SENP5: variants seen among roughly 807,000 people sequenced by gnomAD.
The protein encoded by SENP5 is sentrin-specific protease 5.
A neutral mutation model predicts 74.2 loss-of-function variants in SENP5; 21 were observed. The observed-to-expected ratio is 0.28, with a 90% CI of 0.20 to 0.41. SENP5 has a LOEUF of 0.41. SENP5 is among the 10% of genes least tolerant of loss of function. The pLI is 1.00. For synonymous variants in SENP5, 311 were observed against 312.7 expected, an observed-to-expected ratio of 0.99 and a Z score of 0.06; for missense variants, 717 against 889.1, an observed-to-expected ratio of 0.81 and a Z score of 2.46.
chr3:196,910,335 CTTTTTTTTTTTTT>C (rs869108574), intron 6 of SENP5, among the ~76,000 whole-genome samples: 31 of 51,338 alleles, frequency 6.0e-4, no homozygotes, highest in East Asian at 3.6e-3. Context: ...CCAAAGTAAT[CTTTTTTTTTTTTT>C]TTTTTTTTTT....
intron 6 of SENP5, among the ~76,000 whole-genome samples, chr3:196,910,323 G>C (rs1300133731): frequency 7.1e-6 from 1 of 140,308 alleles, no homozygotes; most frequent in Non-Finnish European, 1.5e-5. Flanking sequence ...TGGCCATACT[G>C]CCCAAAGTAA....
chr3:196,910,503 T>G (rs1468594410), intron 6 of SENP5, among the ~76,000 whole-genome samples: 1 of 151,638 alleles, frequency 6.6e-6, no homozygotes, highest in Non-Finnish European at 1.5e-5. Context: ...TGCACCACCA[T>G]GCCCAGCTAA....
intron 2 of SENP5, among the ~76,000 whole-genome samples, chr3:196,894,071 A>T (rs1714329612): frequency 6.6e-6 from 1 of 151,328 alleles, no homozygotes; most frequent in Non-Finnish European, 1.5e-5. Context: ...TATAAAGTAA[A>T]TGTTTATAAA....
At chr3:196,900,182 G>T in intron 4 of SENP5, 120 bp downstream of exon 4, 1 of 1,328,776 alleles carries the variant, frequency 7.5e-7, no homozygotes. Context: ...TTCTTTACTG[G>T]TTACTTGCCC....
chr3:196,878,126 G>A (rs1713562567), intron 1 of SENP5, among the ~76,000 whole-genome samples: 1 of 152,112 alleles, frequency 6.6e-6, no homozygotes, highest in African/African-American at 2.4e-5. Flanking sequence ...CAACTAATTC[G>A]CCAACTTGAG....
rs748382954 is a variant in SENP5, at chr3:196,899,918, T to C, written c.1620-6T>C. On this transcript the variant is annotated splice_polypyrimidine_tract_variant and splice_region_variant and intron_variant, in intron 3 of 9. Coordinates refer to ENST00000323460, the MANE Select transcript of SENP5 (RefSeq NM_152699.5). Reference sequence around the variant, plus strand: ...TACCTTTTGTTTCAAAATCTTTCTCTTTCAGAAAACCATTTATCAATAGGG... The same window carrying C: ...TACCTTTTGTTTCAAAATCTTTCTCCTTCAGAAAACCATTTATCAATAGGG... 1.2e-6 allele frequency: 2 copies of C among 1,611,832 alleles called. No homozygotes were observed. Among genetic ancestry groups the C allele is most frequent in the African/African-American group, 2.7e-5 (2 of 74,782 alleles).
At chr3:196,910,024 C>T (rs1274055411) in intron 6 of SENP5, among the ~76,000 whole-genome samples, 1 of 152,142 alleles carries the variant, frequency 6.6e-6, no homozygotes, top group Non-Finnish European at 1.5e-5. Context: ...CCCAAAACCC[C>T]TTACGTTGAT....
In SENP5 at chr3:196,885,388, G is replaced by A. The variant is rs375648832; in HGVS notation, c.207G>A (p.Thr69=). The change falls in exon 2 of 10, where the codon ACG becomes ACA. Residue 69 remains threonine, a synonymous_variant. Coordinates refer to ENST00000323460, the MANE Select transcript of SENP5 (RefSeq NM_152699.5). ...GRKKALQIQK[T]WIKDEPLCAK... ...AGAAAGCTCTTCAAATCCAGAAAACGTGGATCAAGGATGAACCCCTTTGTG... is the reference window on the plus strand; with the variant it reads ...AGAAAGCTCTTCAAATCCAGAAAACATGGATCAAGGATGAACCCCTTTGTG... 4.3e-6 allele frequency: 7 copies of A among 1,613,992 alleles called. No individual in the cohort carries two copies. Among genetic ancestry groups the A allele is most frequent in the South Asian group, 3.3e-5 (3 of 91,086 alleles).
chr3:196,913,578 AAAC>A (rs1212303910), intron 6 of SENP5, among the ~76,000 whole-genome samples: 1 of 151,318 alleles, frequency 6.6e-6, no homozygotes, highest in East Asian at 1.9e-4. Flanking sequence ...CAAAAAAAAA[AAAC>A]AAAAAAAACT....
rs114157413 is a variant in SENP5 at position 196,902,966 on chromosome 3, G to A, written c.1807-567G>A. 9.1e-3 allele frequency among the ~76,000 whole-genome samples: 1,391 copies of A among 152,108 alleles called. 20 individuals are homozygous for A. Among genetic ancestry groups the A allele is most frequent in the African/African-American group, 0.032 (1,330 of 41,506 alleles). On this transcript the variant is annotated intron_variant, in intron 5 of 9. Transcript: ENST00000323460. The stretch of plus-strand genomic sequence containing the variant: ...ATAGCCTCTTTCAGCTTTTTCACCT[G>A]ATTTAGAGAGATTTGTCAGGTTGCT...
rs1716037117 is a variant in SENP5, at chr3:196,931,484, T to G, written c.*561T>G. ...AGTGCAGTCCATTCCTTTTGAAGGGTGAGATGGAAGTGGTCGTAAACTGAC... is the reference window on the plus strand; with the variant it reads ...AGTGCAGTCCATTCCTTTTGAAGGGGGAGATGGAAGTGGTCGTAAACTGAC... On this transcript the variant is annotated 3_prime_UTR_variant, in exon 10 of 10. Coordinates refer to ENST00000323460, the MANE Select transcript of SENP5 (RefSeq NM_152699.5). 1 of 180,278 alleles carries G rather than the reference T, an allele frequency of 5.5e-6. No individual in the cohort carries two copies. The highest frequency in any genetic ancestry group is 6.1e-5 in the Admixed American group (1 of 16,428). 11.2% of individuals were successfully genotyped at this position (180,278 alleles called of 1,614,324 possible). A position where few individuals can be genotyped will look rare whatever the true frequency, so the allele number is the denominator to read the frequency against.
At position 196,869,558 on chromosome 3, in the gene SENP5, C is replaced by T. The variant is rs1003935522; in HGVS notation, c.-32+1485C>T. Among the ~76,000 whole-genome samples, 8 of 151,450 alleles carry T rather than the reference C, an allele frequency of 5.3e-5. No individual in the cohort carries two copies. The South Asian group carries it at 1.0e-3, about 20-fold the overall frequency. On this transcript the variant is annotated intron_variant, in intron 1 of 9. Transcript: ENST00000323460. ...GGCAGATCACCTGAGGTCGGGAGTTCGAGATCAGCCTAACCAACATGGTGA... is the reference window on the plus strand; with the variant it reads ...GGCAGATCACCTGAGGTCGGGAGTTTGAGATCAGCCTAACCAACATGGTGA...
intron 9 of SENP5, 73 bp downstream of exon 9, chr3:196,929,756 C>G: frequency 9.9e-7 from 1 of 1,006,354 alleles, no homozygotes; most frequent in South Asian, 1.3e-5. Flanking sequence ...GGAGAGATGG[C>G]AGTTCCTGTA....
intron 6 of SENP5, among the ~76,000 whole-genome samples, chr3:196,907,511 T>C (rs1714952824): frequency 6.7e-6 from 1 of 149,188 alleles, no homozygotes; most frequent in Non-Finnish European, 1.5e-5. Context: ...GTGGGAAAAA[T>C]TACAAGCAGT....
chr3:196,925,992 C>A (rs1004603289), intron 7 of SENP5, among the ~76,000 whole-genome samples: 6 of 152,066 alleles, frequency 3.9e-5, no homozygotes, highest in Non-Finnish European at 2.9e-5. Context: ...AACTAAGGGG[C>A]CTGTATTTCC....
intron 1 of SENP5, among the ~76,000 whole-genome samples, chr3:196,880,616 T>G (rs150624403): frequency 6.6e-6 from 1 of 151,096 alleles, no homozygotes; most frequent in African/African-American, 2.4e-5. Flanking sequence ...CTGATGTGAT[T>G]GAAGAGTATT....
chr3:196,915,794 C>T (rs1715343831), intron 6 of SENP5, among the ~76,000 whole-genome samples: 1 of 152,164 alleles, frequency 6.6e-6, no homozygotes. Flanking sequence ...TACCCAAGCA[C>T]ACCAAGGTGA....
intron 1 of SENP5, among the ~76,000 whole-genome samples, chr3:196,880,573 A>G (rs1258653951): frequency 6.6e-6 from 1 of 151,404 alleles, no homozygotes; most frequent in Non-Finnish European, 1.5e-5. Flanking sequence ...CTTTCATTCT[A>G]GGACAGTCTG....
chr3:196,903,668 G>C, intron 6 of SENP5, 58 bp downstream of exon 6: 2 of 1,026,922 alleles, frequency 1.9e-6, no homozygotes, highest in Non-Finnish European at 2.9e-6. Flanking sequence ...AAACCACTTT[G>C]TGTGGAAGGA....
Sources: allele counts gnomAD v4.1 joint callset (sites outside exome capture counted in the v4.1 genomes callset), GRCh38; gene constraint gnomAD v4.1.1; transcripts MANE v1.5; gene names NCBI Gene and HGNC (gene_info 2026-07-23, HGNC 2026-07-21).